CNST: variants seen among roughly 807,000 people sequenced by gnomAD.
The protein encoded by CNST is consortin.
Under a neutral mutation model 72.4 loss-of-function variants are expected in CNST, and 39 were observed. That is an observed-to-expected ratio of 0.54 (90% confidence interval 0.42 to 0.70). CNST has a LOEUF of 0.70. CNST is among the 30% of genes least tolerant of loss of function. The pLI, the probability that CNST is intolerant of heterozygous loss-of-function variation, is 0.00. For synonymous variants in CNST, 332 were observed against 320.1 expected, an observed-to-expected ratio of 1.04 and a Z score of -0.40; for missense variants, 871 against 868.5, an observed-to-expected ratio of 1.00 and a Z score of -0.04.
intron 2 of CNST, chr1:246,605,947 G>A (rs1432541674): frequency 6.6e-6 from 1 of 152,006 alleles, no homozygotes. Context: ...TGAGGAGGGA[G>A]GAGTTATTCA....
intron 3 of CNST, among the ~76,000 whole-genome samples, chr1:246,626,588 C>A (rs1664455075): frequency 6.7e-6 from 1 of 149,720 alleles, no homozygotes. Flanking sequence ...CCACAAGTAG[C>A]TGGGATTACA....
chr1:246,566,547 G>A lies in CNST; in HGVS notation c.-168G>A. The A allele has an allele frequency of 2.4e-6, 1 of 418,290 alleles. No individual in the cohort carries two copies. The allele number at this position is 418,290 out of a possible 1,614,324, so 25.9% of individuals were successfully genotyped here. The stretch of plus-strand genomic sequence containing the variant: ...AAGGCGAGAGGTGTCTCCTCCACCG[G>A]AGCCAGGGGAGACCCGAGCAAGCTC... On this transcript the variant is annotated 5_prime_UTR_variant, in exon 1 of 11. Transcript: ENST00000366513.
At chr1:246,647,024 C>A (rs1572234693) in intron 8 of CNST, 115 bp from the exon 9 acceptor site, 1 of 938,532 alleles carries the variant, frequency 1.1e-6, no homozygotes, top group East Asian at 2.6e-5. Flanking sequence ...GACAGAATTT[C>A]CATTTGAAAG....
chr1:246,627,995 T>C (rs1200834744), intron 3 of CNST, among the ~76,000 whole-genome samples: 1 of 150,890 alleles, frequency 6.6e-6, no homozygotes, highest in Admixed American at 6.6e-5. Flanking sequence ...GTCTGCAAGC[T>C]GAGGAGCAAG....
chr1:246,642,157 A>G (rs1342944948), intron 8 of CNST, 120 bp downstream of exon 8: 10 of 437,768 alleles, frequency 2.3e-5, no homozygotes, highest in African/African-American at 1.9e-4. Flanking sequence ...TTTTTTTTGC[A>G]CTTACATTTT....
At position 246,647,532 on chromosome 1, in the gene CNST, C is replaced by A; in HGVS notation, c.1331C>A (p.Pro444His). 1 of 1,614,188 alleles carries A rather than the reference C, an allele frequency of 6.2e-7. No homozygotes were observed. The highest frequency in any genetic ancestry group is 8.5e-7 in the Non-Finnish European group (1 of 1,180,036). Residue 444 changes from proline (P) to histidine (H), a missense_variant, in exon 9 of 11, where the codon CCT becomes CAT. Physicochemically the swap from Pro to His is moderately conservative, Grantham distance 77. Coordinates refer to ENST00000366513, the MANE Select transcript of CNST (RefSeq NM_152609.3). Reference protein sequence around the residue: ...LISPGCDRIPPALISEGKYSQ... With the variant: ...LISPGCDRIPHALISEGKYSQ... ...TCACCAGGCTGTGACCGTATACCTC[C>A]TGCATTGATTTCTGAGGGTAAATAT...
chr1:246,639,754 A>T (rs1665556960), intron 6 of CNST, among the ~76,000 whole-genome samples: 1 of 152,232 alleles, frequency 6.6e-6, no homozygotes, highest in Non-Finnish European at 1.5e-5. Context: ...GAGTGCACCA[A>T]CCAACAGCAC....
At chr1:246,597,782 C>A (rs564592236) in intron 2 of CNST, among the ~76,000 whole-genome samples, 70 of 152,166 alleles carry the variant, frequency 4.6e-4, no homozygotes, top group Admixed American at 7.9e-4. Flanking sequence ...CTGTTCTTAC[C>A]TATATGATCT....
At chr1:246,646,415 T>A (rs1666076088) in intron 8 of CNST, among the ~76,000 whole-genome samples, 1 of 152,182 alleles carries the variant, frequency 6.6e-6, no homozygotes, top group Non-Finnish European at 1.5e-5. Context: ...TTCTTACATT[T>A]AAAATGATGA....
chr1:246,633,799 ATATT>A, intron 4 of CNST, 121 bp from the exon 5 acceptor site: 1 of 591,454 alleles, frequency 1.7e-6, no homozygotes, highest in Non-Finnish European at 3.0e-6. Flanking sequence ...AAATTTAAAA[ATATT>A]TAGAGTCCTC....
chr1:246,613,237 C>T (rs2103063677), intron 2 of CNST, among the ~76,000 whole-genome samples: 1 of 152,290 alleles, frequency 6.6e-6, no homozygotes, highest in East Asian at 1.9e-4. Flanking sequence ...TATACTATCT[C>T]ACTTTTGCTG....
chr1:246,623,473 A>C (rs9426251), intron 3 of CNST, among the ~76,000 whole-genome samples: 74,217 of 151,948 alleles, frequency 0.49, 18,929 homozygotes, highest in Non-Finnish European at 0.56. Flanking sequence ...TAAAGTAGGC[A>C]GGGCACAGTG....
intron 6 of CNST, among the ~76,000 whole-genome samples, chr1:246,641,527 G>A (rs1370608356): frequency 6.6e-6 from 1 of 151,984 alleles, no homozygotes; most frequent in African/African-American, 2.4e-5. Flanking sequence ...TTCTTTGGGG[G>A]TTTCCAATAG....
chr1:246,619,881 A>G (rs1403781716), intron 2 of CNST, among the ~76,000 whole-genome samples: 1 of 138,866 alleles, frequency 7.2e-6, no homozygotes, highest in Non-Finnish European at 1.6e-5. Context: ...CTCTGGGCAC[A>G]CTCTACAGGG....
Position 246,647,188 on chromosome 1 carries a change from A to G in CNST, c.987A>G (p.Thr329=), listed in dbSNP as rs1026144609. Residue 329 remains threonine (T), a synonymous_variant, in exon 9 of 11, where the codon ACA becomes ACG. Transcript: ENST00000366513. ...AGTCAAGTAAAGAAAGCCAACATAC[A>G]GTGGAGCCCCTGGGGAGCAGTCCCT... ...GTESSKESQH[T]VEPLGSSPCC... 1 of 1,614,132 alleles carries G rather than the reference A, an allele frequency of 6.2e-7. No homozygotes were observed. The highest frequency in any genetic ancestry group is 8.5e-7 in the Non-Finnish European group (1 of 1,180,030).
intron 3 of CNST, 80 bp downstream of exon 3, chr1:246,621,714 G>C: frequency 1.6e-6 from 2 of 1,259,392 alleles, no homozygotes; most frequent in Non-Finnish European, 2.3e-6. Flanking sequence ...TGCTGTCTTG[G>C]CTGGGCGCAG....
intron 1 of CNST, among the ~76,000 whole-genome samples, chr1:246,567,364 T>TA (rs397731945): frequency 6.6e-6 from 1 of 151,902 alleles, no homozygotes; most frequent in Non-Finnish European, 1.5e-5. Flanking sequence ...TTTTTTTTTT[T>TA]ACCTATTGGG....
At chr1:246,648,136 C>G in intron 9 of CNST, 99 bp downstream of exon 9, 3 of 1,467,700 alleles carry the variant, frequency 2.0e-6, no homozygotes, top group Non-Finnish European at 1.8e-6. Context: ...TCCCTTGTCT[C>G]AAACATGAGG....
chr1:246,650,066 T>C (rs1406973671), intron 9 of CNST, among the ~76,000 whole-genome samples: 1 of 152,094 alleles, frequency 6.6e-6, no homozygotes, highest in East Asian at 1.9e-4. Flanking sequence ...AAATTTAAAA[T>C]TGTTCTCAAC....
Sources: allele counts gnomAD v4.1 joint callset (sites outside exome capture counted in the v4.1 genomes callset), GRCh38; gene constraint gnomAD v4.1.1; transcripts MANE v1.5; gene names NCBI Gene and HGNC (gene_info 2026-07-23, HGNC 2026-07-21).